MYO9A: variants seen among roughly 807,000 people sequenced by gnomAD.
MYO9A encodes myosin IXA, also known as unconventional myosin-IXa.
In MYO9A, 103 loss-of-function variants were observed where a neutral mutation model predicts 293.3. The observed-to-expected ratio is 0.35, with a 90% CI of 0.30 to 0.41. The LOEUF (loss-of-function observed/expected upper bound fraction) is 0.41. Ranked by LOEUF, MYO9A falls within the 10% of genes least tolerant of loss-of-function variation. The pLI is 1.00. For synonymous variants in MYO9A, 1,001 were observed against 1,035.7 expected, an observed-to-expected ratio of 0.97 and a Z score of 0.64; for missense variants, 2,685 against 3,033.0, an observed-to-expected ratio of 0.89 and a Z score of 2.69.
At chr15:72,025,355 A>G (rs1394153542) in intron 4 of MYO9A, among the ~76,000 whole-genome samples, 1 of 152,094 alleles carries the variant, frequency 6.6e-6, no homozygotes, top group Admixed American at 6.5e-5. Flanking sequence ...CCAAAAAAAC[A>G]TTGAGCAAAA....
At position 71,999,737 on chromosome 15, in the gene MYO9A, A is replaced by T. The variant is rs2076811377; in HGVS notation, c.1470+114T>A. On this transcript the variant is annotated intron_variant, in intron 9 of 41. Coordinates refer to ENST00000356056, the MANE Select transcript of MYO9A (RefSeq NM_006901.4). ...AATGTAAAGGCCTAGAAAATATTTC[A>T]ATCAAAACTTTTTGCCATTGTCATT... The T allele has an allele frequency of 2.5e-5, 17 of 689,534 alleles. No individual in the cohort carries two copies. In the South Asian group the frequency reaches 3.9e-4, roughly 16 times the overall value. The allele number at this position is 689,534 out of a possible 1,614,324, so 42.7% of individuals were successfully genotyped here.
intron 1 of MYO9A, among the ~76,000 whole-genome samples, chr15:72,051,925 G>C (rs569522376): frequency 6.6e-6 from 1 of 152,308 alleles, no homozygotes; most frequent in South Asian, 2.1e-4. Flanking sequence ...CCTGAAGCCT[G>C]GGGACCAGGC....
At chr15:72,087,061 G>A (rs11853994) in intron 1 of MYO9A, among the ~76,000 whole-genome samples, 9,652 of 152,174 alleles carry the variant, frequency 0.063, 443 homozygotes, top group Non-Finnish European at 0.099. Flanking sequence ...CCACCGCCCC[G>A]GCCCACAGGA....
chr15:71,891,445 T>A (rs190197130), intron 26 of MYO9A: 41 of 152,336 alleles, frequency 2.7e-4, no homozygotes, highest in African/African-American at 9.6e-4. Flanking sequence ...CCAAAGTTTT[T>A]CTGCAAACAA....
intron 1 of MYO9A, among the ~76,000 whole-genome samples, chr15:72,101,909 TG>T (rs1350751053): frequency 2.0e-5 from 3 of 151,332 alleles, no homozygotes; most frequent in Non-Finnish European, 4.4e-5. Flanking sequence ...GCCCGGGAGG[TG>T]AGGGGCGCCT....
intron 13 of MYO9A, among the ~76,000 whole-genome samples, chr15:71,967,358 C>G (rs2075904079): frequency 2.0e-5 from 3 of 152,140 alleles, no homozygotes. Flanking sequence ...TCAACAAATA[C>G]TTCTTAAATA....
chr15:72,053,505 T>C (rs2078632593), intron 1 of MYO9A, among the ~76,000 whole-genome samples: 1 of 152,228 alleles, frequency 6.6e-6, no homozygotes, highest in Admixed American at 6.5e-5. Context: ...TAATGTCCTT[T>C]ATAGCAATAT....
intron 1 of MYO9A, among the ~76,000 whole-genome samples, chr15:72,115,616 C>G (rs1484798048): frequency 6.6e-6 from 1 of 152,216 alleles, no homozygotes; most frequent in African/African-American, 2.4e-5. Context: ...TCTTATTCTA[C>G]TCTTCAATTC....
At chr15:72,099,314 C>A (rs2080175613) in intron 1 of MYO9A, among the ~76,000 whole-genome samples, 1 of 149,362 alleles carries the variant, frequency 6.7e-6, no homozygotes, top group Admixed American at 6.8e-5. Context: ...GTGGTGCACA[C>A]CTGTGGTCTC....
rs1374297996 is a variant in MYO9A at position 71,879,727 on chromosome 15, T to C, written c.5733A>G (p.Ala1911=). The part of the protein sequence containing the change: ...RQNIFSFYSS[A]LAMDDGKSIR... ...CTAACATAGTCCAACTCACCGCCAA[T>C]GCAGATGAATAAAAGCTGAAGATAT... is the stretch of plus-strand genomic sequence containing the variant. Residue 1911 remains alanine, a synonymous_variant, in exon 30 of 42, where the codon GCA becomes GCG. Transcript: ENST00000356056. 1.9e-6 allele frequency: 3 copies of C among 1,607,958 alleles called. No homozygotes were observed. Among genetic ancestry groups the C allele is most frequent in the Middle Eastern group, 1.7e-4 (1 of 6,042 alleles).
chr15:71,934,601 C>CTT (rs775166166), intron 17 of MYO9A, among the ~76,000 whole-genome samples: 6 of 142,970 alleles, frequency 4.2e-5, no homozygotes, highest in Non-Finnish European at 6.2e-5. Flanking sequence ...ACTTTTTTTC[C>CTT]TTTTTTTTTT....
chr15:71,944,572 C>T (rs1029718335), intron 15 of MYO9A, among the ~76,000 whole-genome samples: 1 of 152,096 alleles, frequency 6.6e-6, no homozygotes, highest in African/African-American at 2.4e-5. Flanking sequence ...TTATGGATAT[C>T]CAGTTGTTCT....
At chr15:72,104,472 C>T (rs898247570) in intron 1 of MYO9A, among the ~76,000 whole-genome samples, 6 of 152,180 alleles carry the variant, frequency 3.9e-5, no homozygotes, top group South Asian at 2.1e-4. Context: ...AAGTCTGGTA[C>T]CTAGTGTGCA....
intron 34 of MYO9A, among the ~76,000 whole-genome samples, chr15:71,857,488 C>T (rs2055907816): frequency 6.6e-6 from 1 of 152,156 alleles, no homozygotes. Flanking sequence ...TCCCTTCCAG[C>T]CACTATGCCC....
chr15:72,038,966 AAGAT>A (rs2078145332), intron 2 of MYO9A, among the ~76,000 whole-genome samples: 1 of 152,060 alleles, frequency 6.6e-6, no homozygotes, highest in African/African-American at 2.4e-5. Flanking sequence ...ATTTACCTAT[AAGAT>A]AGATATAAGT....
intron 10 of MYO9A, among the ~76,000 whole-genome samples, chr15:71,992,465 C>T (rs1297950822): frequency 6.6e-6 from 1 of 152,052 alleles, no homozygotes; most frequent in African/African-American, 2.4e-5. Context: ...TTTTTAAAAG[C>T]CTGTACTAAG....
rs144860070 is a variant in MYO9A at position 71,927,591 on chromosome 15, T to C, written c.2562+6079A>G. On this transcript the variant is annotated intron_variant, in intron 18 of 41. Coordinates refer to ENST00000356056, the MANE Select transcript of MYO9A (RefSeq NM_006901.4). ...ACCCACAGGTACAAAAAGTTGGTCC[T>C]CCATAAGGGTGGATTTTGCATCTCA... 5.3e-3 allele frequency among the ~76,000 whole-genome samples: 808 copies of C among 152,274 alleles called. 10 individuals are homozygous for C. The highest frequency in any genetic ancestry group is 0.019 in the African/African-American group (769 of 41,554).
At chr15:71,911,476 T>C (rs1450108761) in intron 19 of MYO9A, among the ~76,000 whole-genome samples, 1 of 152,200 alleles carries the variant, frequency 6.6e-6, no homozygotes, top group Non-Finnish European at 1.5e-5. Flanking sequence ...AAAGAGTATG[T>C]TGACTGTTCA....
intron 1 of MYO9A, among the ~76,000 whole-genome samples, chr15:72,108,935 G>A (rs1461314097): frequency 6.6e-6 from 1 of 151,782 alleles, no homozygotes; most frequent in South Asian, 2.1e-4. Context: ...GCTAATTTTT[G>A]TATTTTTAGT....
Sources: allele counts gnomAD v4.1 joint callset (sites outside exome capture counted in the v4.1 genomes callset), GRCh38; gene constraint gnomAD v4.1.1; transcripts MANE v1.5; gene names NCBI Gene and HGNC (gene_info 2026-07-23, HGNC 2026-07-21).